The following MYL5 variants were observed in gnomAD, a reference collection of about 807,000 sequenced individuals.
MYL5 encodes the protein myosin light chain 5.
Under a neutral mutation model 20.8 loss-of-function variants are expected in MYL5, and 28 were observed. The observed-to-expected ratio is 1.35, with a 90% CI of 1.00 to 1.84. The LOEUF (loss-of-function observed/expected upper bound fraction) is 1.84. Ranked by LOEUF, MYL5 falls within the 40% of genes most tolerant of loss-of-function variation. The pLI, the probability that MYL5 is intolerant of heterozygous loss-of-function variation, is 0.00. For missense variants in MYL5, 274 were observed against 227.3 expected (o/e 1.21, Z -1.32); for synonymous variants, 118 against 87.4 (o/e 1.35, Z -1.95).
exon 4 of MYL5, chr4:679,915 C>A: frequency 6.2e-7 from 1 of 1,613,602 alleles, no homozygotes; most frequent in Non-Finnish European, 8.5e-7. Context: ...CTGTAACAGG[C>A]AAGACCAACG....
rs982176534 is a variant in MYL5 at position 680,494 on chromosome 4, G to T, written c.293-15G>T. 1 of 1,613,372 alleles carries T rather than the reference G, an allele frequency of 6.2e-7. No homozygotes were observed. The highest frequency in any genetic ancestry group is 1.7e-5 in the Admixed American group (1 of 59,982). ...CCACCCTGACGGCCCTGGGCTGAAG[G>T]TGCCTTTGTGGCAGGTACCGACGCC... On this transcript the variant is annotated splice_polypyrimidine_tract_variant and intron_variant, in intron 4 of 6. Coordinates refer to ENST00000400159, the Ensembl canonical transcript of MYL5.
intron 6 of MYL5, 24 bp from the exon 9 acceptor site, chr4:681,869 G>A (rs1739727501): frequency 1.5e-6 from 2 of 1,310,168 alleles, no homozygotes; most frequent in South Asian, 3.0e-5. Flanking sequence ...AGCCCGCAAG[G>A]AGCCCTTTCG....
At chr4:676,690 C>T (rs118163852), upstream of MYL5, among the ~76,000 whole-genome samples, 18 of 152,312 alleles carry the variant, frequency 1.2e-4, no homozygotes, top group East Asian at 2.9e-3. Context: ...CTTCCCCCCT[C>T]GGTGTGGTTC....
At chr4:679,062 C>T (rs1446814799) in intron 3 of MYL5, 29 bp downstream of exon 5, 1 of 1,583,934 alleles carries the variant, frequency 6.3e-7, no homozygotes, top group African/African-American at 1.4e-5. Context: ...CGCCTCAGAG[C>T]CCTTGGAGGA....
chr4:677,121 C>T (rs1340609523), upstream of MYL5, among the ~76,000 whole-genome samples: 1 of 152,220 alleles, frequency 6.6e-6, no homozygotes, highest in African/African-American at 2.4e-5. Flanking sequence ...GGCAGGTGCC[C>T]TGGGTCCTGT....
In MYL5 at chr4:679,551, G is replaced by GA. The variant is rs1394413772; in HGVS notation, c.188-363_188-362insA. On this transcript the variant is annotated intron_variant, in intron 3 of 6. Transcript: ENST00000400159. Reference sequence around the variant, plus strand: ...TCTGACCTGAGGCAGGAGGGCAGGGGGCTTCGGTCCTGCCCTGGGAGCTGG... The same window carrying GA: ...TCTGACCTGAGGCAGGAGGGCAGGGGAGCTTCGGTCCTGCCCTGGGAGCTGG... Among the ~76,000 whole-genome samples the GA allele has an allele frequency of 2.0e-5, 3 of 152,208 alleles. No individual in the cohort carries two copies. The East Asian group carries it at 5.8e-4, about 29-fold the overall frequency.
At chr4:680,940 G>T in intron 5 of MYL5, 152 bp from the exon 8 acceptor site, 2 of 857,382 alleles carry the variant, frequency 2.3e-6, no homozygotes, top group Non-Finnish European at 3.7e-6. Flanking sequence ...AGTGTGTGTT[G>T]GGAAGGGACC....
upstream of MYL5, chr4:674,601 C>T (rs1577322759): frequency 2.7e-6 from 1 of 372,180 alleles, no homozygotes; most frequent in Non-Finnish European, 4.9e-6. Flanking sequence ...GCCCCGCCGT[C>T]CGCGTCCTGG....
At chr4:678,184 G>A (rs1296180143) in intron 1 of MYL5, 155 bp downstream of exon 3, 39 of 1,533,348 alleles carry the variant, frequency 2.5e-5, no homozygotes, top group Non-Finnish European at 3.0e-5. Flanking sequence ...GTGCATGAGC[G>A]TGTGTATGTG....
chr4:678,276 G>T, intron 1 of MYL5: 6 of 1,455,204 alleles, frequency 4.1e-6, no homozygotes, highest in Non-Finnish European at 5.5e-6. Flanking sequence ...TGAGAGTCCG[G>T]AGCAGGATGA....
At chr4:678,799 C>A in intron 2 of MYL5, 34 bp downstream of exon 4, 1 of 1,607,882 alleles carries the variant, frequency 6.2e-7, no homozygotes. Flanking sequence ...GAGCCCCCAC[C>A]CCCAGGAGCC....
In MYL5 at chr4:681,886, C is replaced by T. The variant is rs1739734319; in HGVS notation, c.421-7C>T. On this transcript the variant is annotated splice_region_variant and splice_polypyrimidine_tract_variant and intron_variant, in intron 6 of 6. Coordinates refer to ENST00000400159, the Ensembl canonical transcript of MYL5. Reference sequence around the variant, plus strand: ...CCCGCAAGGAGCCCTTTCGCCCCCGCCCGCAGGTGGACCAGATGTTCCAGT... The same window carrying T: ...CCCGCAAGGAGCCCTTTCGCCCCCGTCCGCAGGTGGACCAGATGTTCCAGT... 7.6e-7 allele frequency: 1 copy of T among 1,314,672 alleles called. No individual in the cohort carries two copies. 81.4% of individuals were successfully genotyped at this position (1,314,672 alleles called of 1,614,324 possible).
chr4:676,704 C>T (rs1228848695), upstream of MYL5, among the ~76,000 whole-genome samples: 1 of 152,136 alleles, frequency 6.6e-6, no homozygotes, highest in Non-Finnish European at 1.5e-5. Flanking sequence ...GTGGTTCTCC[C>T]CACTCCTGCA....
rs563521158 is a variant in MYL5, at chr4:678,403, C to A, written c.4-255C>A. On this transcript the variant is annotated intron_variant, in intron 1 of 6. Transcript: ENST00000400159. ...CCTGCTGGACGGCGATCCCTGACCA[C>A]TGTGCTCTGTGGGCCTTCTGGAAGC... is the stretch of plus-strand genomic sequence containing the variant. 131 of 1,419,604 alleles carry A rather than the reference C, an allele frequency of 9.2e-5. No individual in the cohort carries two copies. The African/African-American group carries it at 1.8e-3, about 19-fold the overall frequency. 87.9% of individuals were successfully genotyped at this position (1,419,604 alleles called of 1,614,324 possible).
intron 6 of MYL5, 85 bp from the exon 9 acceptor site, chr4:681,808 A>G: frequency 1.6e-6 from 2 of 1,221,204 alleles, no homozygotes; most frequent in Non-Finnish European, 2.1e-6. Context: ...CCCGCGGCGC[A>G]GAAACCACAC....
rs1364514899 is a variant in MYL5, at chr4:681,829, TG to T, written c.421-63del. 1.6e-5 allele frequency: 20 copies of T among 1,278,702 alleles called. No homozygotes were observed. In the African/African-American group the frequency reaches 3.1e-4, roughly 20 times the overall value. The allele number at this position is 1,278,702 out of a possible 1,614,324, so 79.2% of individuals were successfully genotyped here. ...GCGCAGAAACCACACCCGGGGCCGC[TG>T]CAGGTGCGCGCTTGTAATTCGCTCC... is the stretch of plus-strand genomic sequence containing the variant. On this transcript the variant is annotated intron_variant, in intron 6 of 6. Transcript: ENST00000400159.
chr4:678,953 C>T lies in MYL5; in HGVS notation c.112-5C>T. ...CAGCACAGCAGCCCTGACCTTGGTC[C>T]CCAGGCATTCACACTCATGGATCAG... On this transcript the variant is annotated splice_polypyrimidine_tract_variant and splice_region_variant and intron_variant, in intron 2 of 6. Coordinates refer to ENST00000400159, the Ensembl canonical transcript of MYL5. 6.2e-7 allele frequency: 1 copy of T among 1,613,730 alleles called. No homozygotes were observed. Among genetic ancestry groups the T allele is most frequent in the Non-Finnish European group, 8.5e-7 (1 of 1,179,936 alleles).
intron 1 of MYL5, 100 bp downstream of exon 3, chr4:678,129 G>A (rs1257175109): frequency 3.2e-6 from 5 of 1,564,446 alleles, no homozygotes; most frequent in African/African-American, 1.4e-5. Flanking sequence ...GTCCGTGCTT[G>A]CGTGTGAATG....
rs745634556 is a variant in MYL5, at chr4:678,645, G to A, written c.4-13G>A. 1.3e-6 allele frequency: 2 copies of A among 1,596,940 alleles called. No homozygotes were observed. Among genetic ancestry groups the A allele is most frequent in the Non-Finnish European group, 1.7e-6 (2 of 1,172,538 alleles). On this transcript the variant is annotated splice_polypyrimidine_tract_variant and intron_variant, in intron 1 of 6. Transcript: ENST00000400159. ...CCAGCCCAGGACCCTCAGCCATGGT[G>A]CTCCCACCGCAGGCCAGCAGGAAGA...
Sources: gnomAD v4.1 joint callset for allele counts (sites outside exome capture counted in the v4.1 genomes callset) on GRCh38, gnomAD v4.1.1 for gene constraint, MANE v1.5 for transcripts, NCBI Gene and HGNC (gene_info 2026-07-23, HGNC 2026-07-21) for gene names.